RERE: variants seen among roughly 807,000 people sequenced by gnomAD.
RERE encodes the protein arginine-glutamic acid dipeptide repeats protein.
Under a neutral mutation model 146.1 loss-of-function variants are expected in RERE, and 40 were observed. The observed-to-expected ratio is 0.27, with a 90% CI of 0.21 to 0.36. RERE has a LOEUF of 0.36. RERE is among the 10% of genes least tolerant of loss of function. RERE has a pLI of 1.00. For synonymous variants in RERE, 1,003 were observed against 866.0 expected, an observed-to-expected ratio of 1.16 and a Z score of -2.78; for missense variants, 1,933 against 2,138.7, an observed-to-expected ratio of 0.90 and a Z score of 1.90.
chr1:8,607,945 C>T (rs960040167), intron 4 of RERE, among the ~76,000 whole-genome samples: 5 of 152,064 alleles, frequency 3.3e-5, no homozygotes, highest in Non-Finnish European at 7.4e-5. Context: ...AGGTTGGCCT[C>T]GAACTCCTGA....
chr1:8,583,074 G>T (rs1387104227), intron 4 of RERE, among the ~76,000 whole-genome samples: 1 of 152,120 alleles, frequency 6.6e-6, no homozygotes, highest in African/African-American at 2.4e-5. Context: ...TACAGGAATG[G>T]TGGCAGCCAT....
chr1:8,534,001 A>T (rs1463190016), intron 7 of RERE, among the ~76,000 whole-genome samples: 1 of 152,226 alleles, frequency 6.6e-6, no homozygotes, highest in Non-Finnish European at 1.5e-5. Context: ...CATCTCAGGT[A>T]AATGTTTCTG....
intron 4 of RERE, among the ~76,000 whole-genome samples, chr1:8,607,510 G>A (rs928164095): frequency 8.4e-6 from 1 of 118,954 alleles, no homozygotes; most frequent in Non-Finnish European, 1.7e-5. Context: ...GAGAAGCCCC[G>A]CATATTTGTT....
At chr1:8,795,993 A>C (rs1350161267) in intron 1 of RERE, among the ~76,000 whole-genome samples, 5 of 148,102 alleles carry the variant, frequency 3.4e-5, no homozygotes, top group East Asian at 2.1e-4. Flanking sequence ...AAAAAAAAAA[A>C]AAAAACAAAA....
chr1:8,779,511 A>T (rs1014074701), intron 1 of RERE, among the ~76,000 whole-genome samples: 9 of 152,170 alleles, frequency 5.9e-5, no homozygotes, highest in Non-Finnish European at 1.3e-4. Flanking sequence ...AAAAATACAA[A>T]AATTAGCCGG....
intron 4 of RERE, among the ~76,000 whole-genome samples, chr1:8,564,870 G>GTGTGTGTGTATA (rs1269710840): frequency 1.7e-4 from 22 of 127,402 alleles, no homozygotes; most frequent in Non-Finnish European, 2.6e-4. Context: ...GTGTGTGTGT[G>GTGTGTGTGTATA]TATATATATA....
chr1:8,403,448 T>C (rs1160648952), intron 12 of RERE, among the ~76,000 whole-genome samples: 4 of 113,576 alleles, frequency 3.5e-5, no homozygotes, highest in Non-Finnish European at 5.8e-5. Context: ...TTTTTTTTTT[T>C]CCTGCTTCTC....
At chr1:8,689,450 T>A (rs535535989) in intron 1 of RERE, among the ~76,000 whole-genome samples, 6 of 152,302 alleles carry the variant, frequency 3.9e-5, no homozygotes, top group African/African-American at 9.6e-5. Flanking sequence ...AATACCTGTA[T>A]AAAAATGAAA....
chr1:8,742,810 C>A (rs1159538368), intron 1 of RERE, among the ~76,000 whole-genome samples: 1 of 149,196 alleles, frequency 6.7e-6, no homozygotes, highest in Non-Finnish European at 1.5e-5. Context: ...TGAGGCTACA[C>A]TGAGCTGTGA....
chr1:8,488,768 G>A lies in RERE; in HGVS notation c.1104+6295C>T, dbSNP rs571516215. ...AAAAAGATCCAAACATAAAAAAGCA[G>A]CTGATTTTCAATAACAATGTCAAGG... is the stretch of plus-strand genomic sequence containing the variant. On this transcript the variant is annotated intron_variant, in intron 10 of 22. Coordinates refer to ENST00000400908, the MANE Select transcript of RERE (RefSeq NM_001042681.2). Among the ~76,000 whole-genome samples, 5 of 152,232 alleles carry A rather than the reference G, an allele frequency of 3.3e-5. No individual in the cohort carries two copies. In the South Asian group the frequency reaches 6.2e-4, roughly 19 times the overall value.
At chr1:8,717,853 T>C (rs1639792275) in intron 1 of RERE, among the ~76,000 whole-genome samples, 1 of 152,206 alleles carries the variant, frequency 6.6e-6, no homozygotes, top group South Asian at 2.1e-4. Flanking sequence ...ACTGTGTGTA[T>C]TTAATGTCCA....
chr1:8,422,922 G>T, intron 11 of RERE, 115 bp from the exon 12 acceptor site: 1 of 749,378 alleles, frequency 1.3e-6, no homozygotes, highest in Non-Finnish European at 2.3e-6. Context: ...CTCGGCTAGG[G>T]AATACTGCCG....
intron 1 of RERE, among the ~76,000 whole-genome samples, chr1:8,765,406 T>C (rs1175300966): frequency 4.6e-5 from 7 of 152,214 alleles, no homozygotes; most frequent in Admixed American, 4.6e-4. Context: ...CATAATTAAA[T>C]GTTCTGAAAT....
At chr1:8,459,335 T>C (rs972394707) in intron 11 of RERE, among the ~76,000 whole-genome samples, 1 of 152,152 alleles carries the variant, frequency 6.6e-6, no homozygotes, top group African/African-American at 2.4e-5. Flanking sequence ...ATTTCTCTTA[T>C]TTTTCCTACT....
At chr1:8,813,616 T>A in intron 1 of RERE, among the ~76,000 whole-genome samples, 2 of 33,624 alleles carry the variant, frequency 5.9e-5, no homozygotes. Context: ...ATTTTTTCCT[T>A]TTTTTTTTTT....
chr1:8,459,045 T>C (rs190793392), intron 11 of RERE, among the ~76,000 whole-genome samples: 269 of 152,390 alleles, frequency 1.8e-3, no homozygotes, highest in African/African-American at 5.7e-3. Flanking sequence ...GTGCATATAA[T>C]TGATTTTTAA....
Position 8,615,285 on chromosome 1 carries a change from C to T in RERE, c.397-599G>A, listed in dbSNP as rs561052499. On this transcript the variant is annotated intron_variant, in intron 3 of 22. Coordinates refer to ENST00000400908, the MANE Select transcript of RERE (RefSeq NM_001042681.2). ...CAATATTCACATGAGTTATAATTTT[C>T]TCCAAACGCCCACAAGGTGAGTATA... Among the ~76,000 whole-genome samples the T allele has an allele frequency of 2.6e-4, 40 of 152,326 alleles. 1 individual carries two copies. Among genetic ancestry groups the T allele is most frequent in the South Asian group, 1.9e-3 (9 of 4,828 alleles).
intron 6 of RERE, among the ~76,000 whole-genome samples, chr1:8,545,139 C>T (rs1458259103): frequency 6.6e-6 from 1 of 152,232 alleles, no homozygotes; most frequent in Non-Finnish European, 1.5e-5. Context: ...ATTGCCATCA[C>T]ATCCACCTTG....
At chr1:8,755,313 A>C (rs946551985) in intron 1 of RERE, among the ~76,000 whole-genome samples, 2 of 152,236 alleles carry the variant, frequency 1.3e-5, no homozygotes, top group Non-Finnish European at 2.9e-5. Context: ...ATCTGGCATC[A>C]CACACAAATC....
Sources: allele counts gnomAD v4.1 joint callset (sites outside exome capture counted in the v4.1 genomes callset), GRCh38; gene constraint gnomAD v4.1.1; transcripts MANE v1.5; gene names NCBI Gene and HGNC (gene_info 2026-07-23, HGNC 2026-07-21).